The following COL4A3 variants were observed in gnomAD, a reference collection of about 807,000 sequenced individuals.
COL4A3 encodes the protein collagen alpha-3(IV) chain.
COL4A3 carries 135 observed loss-of-function variants against 217.4 expected under a neutral mutation model. The ratio of observed to expected loss-of-function variants is 0.62; its 90% CI spans 0.54 to 0.72. COL4A3 has a LOEUF of 0.72. Among genes scored for constraint, COL4A3 ranks in the 30% least tolerant of loss-of-function variants. The probability of loss-of-function intolerance (pLI) is 0.00; values close to 1 mark genes in which losing one functional copy is unlikely to be tolerated. For synonymous variants in COL4A3, 690 were observed against 736.3 expected, an observed-to-expected ratio of 0.94 and a Z score of 1.02; for missense variants, 1,868 against 2,119.9, an observed-to-expected ratio of 0.88 and a Z score of 2.33.
chr2:227,210,448 A>AGT (rs753254783), intron 1 of COL4A3, among the ~76,000 whole-genome samples: 5,950 of 137,012 alleles, frequency 0.043, 372 homozygotes, highest in East Asian at 0.13. Context: ...AAATTAGCCA[A>AGT]GTGTGGTGGC....
intron 1 of COL4A3, among the ~76,000 whole-genome samples, chr2:227,196,969 G>A (rs532033754): frequency 7.2e-5 from 11 of 152,198 alleles, no homozygotes; most frequent in Admixed American, 6.5e-4. Flanking sequence ...TTGAATCATG[G>A]GGGGTAGGTA....
chr2:227,214,170 T>C (rs574108443), intron 1 of COL4A3, among the ~76,000 whole-genome samples: 5 of 152,280 alleles, frequency 3.3e-5, no homozygotes, highest in Admixed American at 6.5e-5. Flanking sequence ...TTAAGAATGA[T>C]CATTGATACA....
chr2:227,248,324 C>T, intron 8 of COL4A3, 119 bp from the exon 9 acceptor site: 1 of 757,038 alleles, frequency 1.3e-6, no homozygotes, highest in South Asian at 1.4e-5. Context: ...AATCATTTCT[C>T]TGAGTACATA....
Position 227,282,534 on chromosome 2 carries a change from T to A in COL4A3, c.2656+2T>A, listed in dbSNP as rs200716094. 6.2e-7 allele frequency: 1 copy of A among 1,613,042 alleles called. No individual in the cohort carries two copies. The highest frequency in any genetic ancestry group is 1.7e-5 in the Admixed American group (1 of 59,984). On this transcript the variant is annotated splice_donor_variant, in intron 32 of 51. Coordinates refer to ENST00000396578, the MANE Select transcript of COL4A3 (RefSeq NM_000091.5). LOFTEE classifies it high-confidence loss of function. The surrounding 1 kb of genome is among the most constrained non-coding windows in gnomAD (Gnocchi z 4.4). ...ATCCGGGAATTTTAGGGCCACCAGGTATCCTTTTGTGTGTTTCTATTTTTC... is the reference window on the plus strand; with the variant it reads ...ATCCGGGAATTTTAGGGCCACCAGGAATCCTTTTGTGTGTTTCTATTTTTC...
chr2:227,192,715 G>A (rs72975951), intron 1 of COL4A3, among the ~76,000 whole-genome samples: 9,770 of 152,154 alleles, frequency 0.064, 487 homozygotes, highest in East Asian at 0.2. Context: ...TGGAGGGCAG[G>A]GAGAGAGGTT....
chr2:227,248,272 A>G (rs908002134), intron 8 of COL4A3, 171 bp from the exon 9 acceptor site: 8 of 638,526 alleles, frequency 1.3e-5, no homozygotes, highest in Non-Finnish European at 2.3e-5. Context: ...AAAATATGAA[A>G]ATGCTTTGAA....
chr2:227,224,680 G>A (rs150613206), intron 1 of COL4A3, among the ~76,000 whole-genome samples: 45 of 152,076 alleles, frequency 3.0e-4, no homozygotes, highest in African/African-American at 7.5e-4. Flanking sequence ...GCTTGAACCC[G>A]GGAGGCAGAG....
chr2:227,220,233 A>G (rs552713623), intron 1 of COL4A3, among the ~76,000 whole-genome samples: 3 of 119,454 alleles, frequency 2.5e-5, no homozygotes, highest in Admixed American at 2.3e-4. Context: ...CCCAGGCTGG[A>G]GTGCAGTGGT....
chr2:227,298,807 C>T lies in COL4A3; in HGVS notation c.3877C>T (p.Arg1293Cys). ...GTAGDMGPPG[R>C]LGAPGTPGLP... ...TGCAGGAGACATGGGACCACCAGGT[C>T]GTCTGGTGAGTATGGATAATTATTT... The change falls in exon 43 of 52, where the codon CGT becomes TGT. Residue 1293 changes from arginine to cysteine, a missense_variant. Transcript: ENST00000396578. The T allele has an allele frequency of 1.9e-6, 3 of 1,613,494 alleles. No homozygotes were observed. Among genetic ancestry groups the T allele is most frequent in the South Asian group, 2.2e-5 (2 of 91,010 alleles).
rs1332951007 is a variant in COL4A3, at chr2:227,191,900, A to T, written c.87+27087A>T. 6.6e-6 allele frequency among the ~76,000 whole-genome samples: 1 copy of T among 152,220 alleles called. No homozygotes were observed. The highest frequency in any genetic ancestry group is 1.5e-5 in the Non-Finnish European group (1 of 68,042). Reference sequence around the variant, plus strand: ...TAAATTTGGCAATTTCTTCAACAGCAGTGCCCTTATCAAAAACAGACACTT... The same window carrying T: ...TAAATTTGGCAATTTCTTCAACAGCTGTGCCCTTATCAAAAACAGACACTT... On this transcript the variant is annotated intron_variant, in intron 1 of 51. Transcript: ENST00000396578. This position sits in a 1 kb window ranked among gnomAD's most constrained non-coding sequence, Gnocchi z 6.8.
chr2:227,248,192 G>C, intron 8 of COL4A3: 1 of 407,256 alleles, frequency 2.5e-6, no homozygotes, highest in East Asian at 5.8e-5. Flanking sequence ...TGCCCGTTTT[G>C]ATCTCCCAAA....
intron 20 of COL4A3, among the ~76,000 whole-genome samples, chr2:227,262,884 G>A (rs1045300301): frequency 6.6e-6 from 1 of 152,130 alleles, no homozygotes; most frequent in Non-Finnish European, 1.5e-5. Flanking sequence ...ACAGTAGGGT[G>A]ACTATAGTTA....
At chr2:227,271,348 T>C (rs1559885827) in intron 25 of COL4A3, among the ~76,000 whole-genome samples, 1 of 152,128 alleles carries the variant, frequency 6.6e-6, no homozygotes, top group African/African-American at 2.4e-5. Flanking sequence ...TTTAGGGGTA[T>C]GGTAGTCAAA....
In COL4A3 at chr2:227,284,235, AG is replaced by A; in HGVS notation, c.2774del (p.Gly925AlafsTer26). On this transcript the variant is annotated frameshift_variant, in exon 34 of 52. Coordinates refer to ENST00000396578, the MANE Select transcript of COL4A3 (RefSeq NM_000091.5). LOFTEE classifies it high-confidence loss of function. ...GGGAGCCCTGGAATTCCAGGAGTAA[AG>A]GGCCAGAGAGGAACCCCAGGAGCCA... ...QRGSPGIPGV[K>X]GQRGTPGAKG... is the part of the protein sequence containing the mutation. The A allele has an allele frequency of 6.2e-7, 1 of 1,613,836 alleles. No homozygotes were observed. The highest frequency in any genetic ancestry group is 8.5e-7 in the Non-Finnish European group (1 of 1,179,742).
At chr2:227,261,847 T>G (rs1451801565) in intron 20 of COL4A3, among the ~76,000 whole-genome samples, 1 of 152,218 alleles carries the variant, frequency 6.6e-6, no homozygotes, top group Non-Finnish European at 1.5e-5. Context: ...AGTTCTAAAC[T>G]TTCGTCTCTG....
At chr2:227,299,497 G>T (rs2073186380) in intron 43 of COL4A3, among the ~76,000 whole-genome samples, 1 of 152,064 alleles carries the variant, frequency 6.6e-6, no homozygotes, top group Non-Finnish European at 1.5e-5. Context: ...CCTCCCACTG[G>T]GTCCTTCCCA....
In COL4A3 at chr2:227,253,502, A is replaced by G. The variant is rs1365662131; in HGVS notation, c.688-59A>G. ...GAAAAGTAGACCTTTCAAACGTAGT[A>G]ACATTGAAATGTTGATGCTGTTGTT... On this transcript the variant is annotated intron_variant, in intron 12 of 51. Coordinates refer to ENST00000396578, the MANE Select transcript of COL4A3 (RefSeq NM_000091.5). This position sits in a 1 kb window ranked among gnomAD's most constrained non-coding sequence, Gnocchi z 4.4. 2.0e-6 allele frequency: 3 copies of G among 1,483,594 alleles called. No homozygotes were observed. Among genetic ancestry groups the G allele is most frequent in the Admixed American group, 3.3e-5 (2 of 59,850 alleles). 91.9% of individuals were successfully genotyped at this position (1,483,594 alleles called of 1,614,324 possible). A position where few individuals can be genotyped will look rare whatever the true frequency, so the allele number is the denominator to read the frequency against.
At chr2:227,300,570 G>C (rs1055791046) in intron 43 of COL4A3, among the ~76,000 whole-genome samples, 1 of 152,126 alleles carries the variant, frequency 6.6e-6, no homozygotes, top group Non-Finnish European at 1.5e-5. Flanking sequence ...TCAAATCCTT[G>C]GAGACAGATG....
At chr2:227,237,059 T>C (rs2068743015) in intron 1 of COL4A3, among the ~76,000 whole-genome samples, 1 of 152,220 alleles carries the variant, frequency 6.6e-6, no homozygotes, top group Non-Finnish European at 1.5e-5. Flanking sequence ...GGAGCTGGAA[T>C]GTGCATAGGT....
Sources: gnomAD v4.1 joint callset for allele counts (sites outside exome capture counted in the v4.1 genomes callset) on GRCh38, gnomAD v4.1.1 for gene constraint, Gnocchi (gnomAD v3.1) non-coding constraint, MANE v1.5 for transcripts, NCBI Gene and HGNC (gene_info 2026-07-23, HGNC 2026-07-21) for gene names.